Variants in SLC29A4 observed in about 807,000 individuals in gnomAD.
SLC29A4 encodes equilibrative nucleoside transporter 4.
Under a neutral mutation model 43.9 loss-of-function variants are expected in SLC29A4, and 36 were observed. The observed-to-expected ratio is 0.82, with a 90% CI of 0.63 to 1.08. SLC29A4 has a LOEUF of 1.08. Ranked by LOEUF, SLC29A4 falls within the 50% of genes least tolerant of loss-of-function variation. The pLI, the probability that SLC29A4 is intolerant of heterozygous loss-of-function variation, is 0.00. For synonymous variants in SLC29A4, 491 were observed against 338.0 expected (o/e 1.45, Z -4.97); for missense variants, 869 against 755.3 (o/e 1.15, Z -1.77).
chr7:5,284,433 G>A (rs1205575148), intron 1 of SLC29A4, among the ~76,000 whole-genome samples: 1 of 152,198 alleles, frequency 6.6e-6, no homozygotes, highest in Non-Finnish European at 1.5e-5. Flanking sequence ...ACTGAGGCCT[G>A]AGGGGTGGCC....
chr7:5,287,958 A>T lies in SLC29A4; in HGVS notation c.142A>T (p.Arg48Trp), dbSNP rs1785064873. 3 of 1,610,064 alleles carry T rather than the reference A, an allele frequency of 1.9e-6. No homozygotes were observed. In the East Asian group the frequency reaches 6.7e-5, roughly 36 times the overall value. The part of the protein sequence containing the change: ...EAAQGQGLRA[R>W]GVPAFTDTTL... The stretch of plus-strand genomic sequence containing the variant: ...GGCTCAGGGCCAGGGCCTTAGGGCC[A>T]GGGGCGTCCCAGCTTTCACGGATAC... Residue 48 changes from arginine (R) to tryptophan (W), a missense_variant, in exon 2 of 11, where the codon AGG becomes TGG. Physicochemically the swap from Arg to Trp is moderately radical, Grantham distance 101. Coordinates refer to ENST00000396872, the MANE Select transcript of SLC29A4 (RefSeq NM_153247.4).
At chr7:5,296,862 CGGGGCTGGGGCGGGACGGGGCGGTGCAG>C (rs1364374040) in intron 6 of SLC29A4, 46 bp from the exon 7 acceptor site, 83 of 1,196,440 alleles carry the variant, frequency 6.9e-5, no homozygotes, top group Admixed American at 1.9e-4. Context: ...TGTGTGTGGA[CGGGGCTGGGGCGGGACGGGGCGGTGCAG>C]GGAGCTGGGC....
intron 2 of SLC29A4, among the ~76,000 whole-genome samples, chr7:5,290,222 T>A (rs1785217637): frequency 6.6e-6 from 1 of 152,014 alleles, no homozygotes; most frequent in South Asian, 2.1e-4. Flanking sequence ...CCTGGCTAAT[T>A]TTTTGGGTTT....
chr7:5,300,529 C>T lies in SLC29A4; in HGVS notation c.1317C>T (p.Gly439=), dbSNP rs1192392947. 5.6e-6 allele frequency: 9 copies of T among 1,612,146 alleles called. No homozygotes were observed. Among genetic ancestry groups the T allele is most frequent in the Admixed American group, 1.7e-5 (1 of 60,000 alleles). The change falls in exon 10 of 11, where the codon GGC becomes GGT. Residue 439 remains glycine (G), a synonymous_variant. Coordinates refer to ENST00000396872, the MANE Select transcript of SLC29A4 (RefSeq NM_153247.4). ...PLFILCVYPS[G]MPALRHPAWP... ...TCATCCTGTGCGTCTACCCCAGCGG[C>T]ATGCCCGCCCTCCGTCACCCCGCCT... is the stretch of plus-strand genomic sequence containing the variant.
At chr7:5,289,748 C>G (rs970375711) in intron 2 of SLC29A4, among the ~76,000 whole-genome samples, 4 of 152,086 alleles carry the variant, frequency 2.6e-5, no homozygotes, top group African/African-American at 9.7e-5. Flanking sequence ...ACCATGCCTC[C>G]TCTCCAGATA....
At chr7:5,292,389 C>T (rs2128088526) in intron 5 of SLC29A4, among the ~76,000 whole-genome samples, 1 of 152,302 alleles carries the variant, frequency 6.6e-6, no homozygotes, top group Middle Eastern at 3.4e-3. Flanking sequence ...GCTGGTATTA[C>T]AGGCATGAGC....
intron 10 of SLC29A4, among the ~76,000 whole-genome samples, chr7:5,301,681 G>A (rs1272681162): frequency 6.6e-6 from 1 of 152,222 alleles, no homozygotes; most frequent in Non-Finnish European, 1.5e-5. Flanking sequence ...GGTCAACGTG[G>A]CACTGGGAGG....
chr7:5,298,470 A>T (rs2128091438), intron 7 of SLC29A4, among the ~76,000 whole-genome samples: 1 of 152,238 alleles, frequency 6.6e-6, no homozygotes, highest in Admixed American at 6.5e-5. Flanking sequence ...GTTCACAGGA[A>T]TGATGAGATG....
intron 3 of SLC29A4, 71 bp downstream of exon 3, chr7:5,290,934 C>T (rs1298931530): frequency 3.8e-6 from 6 of 1,559,242 alleles, no homozygotes; most frequent in African/African-American, 1.4e-5. Flanking sequence ...CCAGAAACCC[C>T]CGGCGGGGAG....
At chr7:5,295,209 C>G (rs11771019) in intron 6 of SLC29A4, among the ~76,000 whole-genome samples, 33,306 of 152,112 alleles carry the variant, frequency 0.22, 3,851 homozygotes, top group Middle Eastern at 0.33. Context: ...GCTTATGTCT[C>G]TGAGCATGTG....
chr7:5,301,664 T>C (rs1786173788), intron 10 of SLC29A4, among the ~76,000 whole-genome samples: 1 of 152,168 alleles, frequency 6.6e-6, no homozygotes, highest in South Asian at 2.1e-4. Flanking sequence ...GGCTCAGACC[T>C]GGAGGAGGTC....
Position 5,296,978 on chromosome 7 carries a change from AGCT to A in SLC29A4, c.671_673del (p.Leu224del). The A allele has an allele frequency of 6.2e-7, 1 of 1,601,060 alleles. No homozygotes were observed. The highest frequency in any genetic ancestry group is 8.5e-7 in the Non-Finnish European group (1 of 1,179,306). On this transcript the variant is annotated inframe_deletion, in exon 7 of 11. Transcript: ENST00000396872. ...ATCTCTCTGAGCCGCATCCTCACGA[AGCT>A]GCTGCTGCCCGACGAGCGCGCCAGC...
chr7:5,295,066 G>T, intron 6 of SLC29A4, 132 bp downstream of exon 6: 1 of 787,168 alleles, frequency 1.3e-6, no homozygotes, highest in Non-Finnish European at 2.0e-6. Flanking sequence ...GACTGAGCTA[G>T]GGACAGTGAT....
chr7:5,294,172 C>T (rs1785492829), intron 5 of SLC29A4, among the ~76,000 whole-genome samples: 1 of 152,002 alleles, frequency 6.6e-6, no homozygotes, highest in African/African-American at 2.4e-5. Context: ...AACTCCTAGA[C>T]TCAAGCAATC....
chr7:5,284,021 T>G (rs1252738703), intron 1 of SLC29A4, among the ~76,000 whole-genome samples: 5 of 140,058 alleles, frequency 3.6e-5, no homozygotes, highest in Admixed American at 7.2e-5. Context: ...GGCTCCAGTC[T>G]GAGCTGCACG....
At chr7:5,301,527 G>A (rs909856883) in intron 10 of SLC29A4, among the ~76,000 whole-genome samples, 8 of 152,148 alleles carry the variant, frequency 5.3e-5, no homozygotes, top group Non-Finnish European at 7.3e-5. Flanking sequence ...AAGATCCTGC[G>A]GCACTGAGGC....
rs1438413320 is a variant in SLC29A4, at chr7:5,296,647, C to T, written c.620-289C>T. Among the ~76,000 whole-genome samples, 12 of 51,748 alleles carry T rather than the reference C, an allele frequency of 2.3e-4. No homozygotes were observed. In the South Asian group the frequency reaches 6.8e-3, roughly 29 times the overall value. The allele number at this position is 51,748 out of a possible 152,430, so 33.9% of individuals were successfully genotyped here. On this transcript the variant is annotated intron_variant, in intron 6 of 10. Coordinates refer to ENST00000396872, the MANE Select transcript of SLC29A4 (RefSeq NM_153247.4). ...GAGTGGGGGCGGAGCTGAGTGGGGGCGGGAGGCAGCTGGGCCACTCATTGT... is the reference window on the plus strand; with the variant it reads ...GAGTGGGGGCGGAGCTGAGTGGGGGTGGGAGGCAGCTGGGCCACTCATTGT...
chr7:5,296,940 G>T lies in SLC29A4; in HGVS notation c.624G>T (p.Thr208=). The change falls in exon 7 of 11, where the codon ACG becomes ACT. Residue 208 remains threonine (T), a synonymous_variant. Coordinates refer to ENST00000396872, the MANE Select transcript of SLC29A4 (RefSeq NM_153247.4). ...CCCACTGTGCACGCCCCCCAGGCAC[G>T]GCGGGCGTGATGATCTCTCTGAGCC... ...YTQGVMTGES[T]AGVMISLSRI... 1 of 1,587,812 alleles carries T rather than the reference G, an allele frequency of 6.3e-7. No homozygotes were observed. The highest frequency in any genetic ancestry group is 8.5e-7 in the Non-Finnish European group (1 of 1,174,252).
intron 5 of SLC29A4, among the ~76,000 whole-genome samples, chr7:5,293,918 A>G (rs2128089166): frequency 6.6e-6 from 1 of 152,264 alleles, no homozygotes; most frequent in African/African-American, 2.4e-5. Context: ...CAGTCTGGCC[A>G]ACATAGTGAA....
Sources: gnomAD v4.1 joint callset for allele counts (sites outside exome capture counted in the v4.1 genomes callset) on GRCh38, gnomAD v4.1.1 for gene constraint, MANE v1.5 for transcripts, NCBI Gene and HGNC (gene_info 2026-07-23, HGNC 2026-07-21) for gene names.